CNGB3: variants seen among roughly 807,000 people sequenced by gnomAD.
CNGB3 encodes cyclic nucleotide gated channel subunit beta 3.
CNGB3 carries 86 observed loss-of-function variants against 92.8 expected under a neutral mutation model. The observed-to-expected ratio is 0.93, with a 90% CI of 0.78 to 1.11. The LOEUF (loss-of-function observed/expected upper bound fraction) is 1.11. Among genes scored for constraint, CNGB3 ranks in the 50% least tolerant of loss-of-function variants. The pLI, the probability that CNGB3 is intolerant of heterozygous loss-of-function variation, is 0.00. For synonymous variants in CNGB3, 333 were observed against 332.7 expected (o/e 1.00, Z -0.01); for missense variants, 1,026 against 956.8 (o/e 1.07, Z -0.95).
At chr8:86,699,640 A>G (rs774302765) in intron 3 of CNGB3, among the ~76,000 whole-genome samples, 1 of 152,232 alleles carries the variant, frequency 6.6e-6, no homozygotes, top group Non-Finnish European at 1.5e-5. Context: ...CAATAAAAGG[A>G]AAAACTGCTG....
chr8:86,694,345 C>CG (rs1370451277), intron 3 of CNGB3, among the ~76,000 whole-genome samples: 2 of 139,502 alleles, frequency 1.4e-5, no homozygotes, highest in African/African-American at 2.7e-5. Flanking sequence ...GCTGGCCGGG[C>CG]GGGGGGCTGA....
chr8:86,649,600 G>T (rs1208912850), intron 7 of CNGB3, among the ~76,000 whole-genome samples: 1 of 151,320 alleles, frequency 6.6e-6, no homozygotes, highest in African/African-American at 2.4e-5. Flanking sequence ...AGCCACACGT[G>T]GAAGAGTGAA....
Position 86,654,025 on chromosome 8 carries a change from G to T in CNGB3, c.890C>A (p.Ser297Tyr). The change falls in exon 7 of 18, where the codon TCT becomes TAT. Residue 297 changes from serine to tyrosine, a missense_variant. Coordinates refer to ENST00000320005, the MANE Select transcript of CNGB3 (RefSeq NM_019098.5). ...TTTGTCACCTACCTGAAATTTTGTA[G>T]AAGTCCTGTAGTGTTTCCTTAGCTC... ...SNELRKHYRT[S>Y]TKFQLDVASI... is the part of the protein sequence containing the mutation. The T allele has an allele frequency of 6.2e-7, 1 of 1,601,012 alleles. No homozygotes were observed. Among genetic ancestry groups the T allele is most frequent in the Non-Finnish European group, 8.6e-7 (1 of 1,168,304 alleles).
chr8:86,627,338 C>T (rs1822869782), intron 12 of CNGB3, among the ~76,000 whole-genome samples: 1 of 152,086 alleles, frequency 6.6e-6, no homozygotes, highest in Non-Finnish European at 1.5e-5. Context: ...GCTCTGCCTG[C>T]CCACTTCAGA....
chr8:86,627,100 GA>G (rs931331326), intron 12 of CNGB3, among the ~76,000 whole-genome samples: 6 of 6,546 alleles, frequency 9.2e-4, no homozygotes, highest in Non-Finnish European at 1.4e-3. Flanking sequence ...TCTGAGAGTT[GA>G]TTTTTTTTTA....
chr8:86,723,597 A>G (rs1324666876), intron 3 of CNGB3, among the ~76,000 whole-genome samples: 1 of 152,134 alleles, frequency 6.6e-6, no homozygotes, highest in East Asian at 1.9e-4. Context: ...TTGGAACAGA[A>G]AGCTTTGGTC....
intron 3 of CNGB3, among the ~76,000 whole-genome samples, chr8:86,712,189 T>G (rs1456685870): frequency 6.6e-6 from 1 of 152,148 alleles, no homozygotes; most frequent in South Asian, 2.1e-4. Flanking sequence ...AATAAAATTA[T>G]CAGTCATCAG....
rs993198637 is a variant in CNGB3 at position 86,579,311 on chromosome 8, CTT to C, written c.1782-61_1782-60del. On this transcript the variant is annotated intron_variant, in intron 15 of 17. Transcript: ENST00000320005. ...TTTCAGTTTTCCTCCACTGAAATCT[CTT>C]TAAAAAAATAGCAACTATTATAAGT... The C allele has an allele frequency of 4.7e-5, 74 of 1,591,128 alleles. No homozygotes were observed. In the Middle Eastern group the frequency reaches 3.8e-3, roughly 82 times the overall value.
At chr8:86,726,395 A>T in intron 3 of CNGB3, 136 bp downstream of exon 3, 1 of 1,228,012 alleles carries the variant, frequency 8.1e-7, no homozygotes, top group Non-Finnish European at 1.2e-6. Flanking sequence ...GTTCTGACAC[A>T]GTTTTTTTGT....
rs7823947 is a variant in CNGB3 at position 86,670,848 on chromosome 8, G to A, written c.493+96C>T. The A allele has an allele frequency of 0.017, 21,265 of 1,276,232 alleles. 2,160 individuals are homozygous for A. In the African/African-American group the frequency reaches 0.24, roughly 15 times the overall value. The allele number at this position is 1,276,232 out of a possible 1,614,324, so 79.1% of individuals were successfully genotyped here. On this transcript the variant is annotated intron_variant, in intron 4 of 17. Transcript: ENST00000320005. ...AAACTGTACGTAAATCATTTTCTCA[G>A]GGTCTGCTTTTGGGAGATCCAAACT... is the stretch of plus-strand genomic sequence containing the variant.
At chr8:86,585,313 G>A (rs1821871228) in intron 15 of CNGB3, among the ~76,000 whole-genome samples, 1 of 150,242 alleles carries the variant, frequency 6.7e-6, no homozygotes, top group South Asian at 2.1e-4. Context: ...TTGTGTGTAT[G>A]TATATATATA....
At chr8:86,641,734 T>C (rs1238570880) in intron 10 of CNGB3, among the ~76,000 whole-genome samples, 5 of 151,956 alleles carry the variant, frequency 3.3e-5, no homozygotes, top group Non-Finnish European at 7.4e-5. Context: ...GTTTGGTACA[T>C]ATGTTTGTGT....
chr8:86,652,001 G>T (rs1257148351), intron 7 of CNGB3, among the ~76,000 whole-genome samples: 1 of 151,828 alleles, frequency 6.6e-6, no homozygotes, highest in Non-Finnish European at 1.5e-5. Flanking sequence ...ACACGTAGGT[G>T]GTATGGTATA....
intron 1 of CNGB3, among the ~76,000 whole-genome samples, chr8:86,741,825 T>C (rs995900543): frequency 3.3e-5 from 5 of 152,220 alleles, no homozygotes; most frequent in Non-Finnish European, 7.3e-5. Flanking sequence ...AAAGGAAAGA[T>C]AACTCTTTAA....
intron 13 of CNGB3, among the ~76,000 whole-genome samples, chr8:86,614,997 GA>G (rs59567736): frequency 6.6e-6 from 1 of 151,724 alleles, no homozygotes; most frequent in African/African-American, 2.4e-5. Flanking sequence ...AGAATATTCA[GA>G]AAAAAAATAG....
In CNGB3 at chr8:86,739,716, C is replaced by T; in HGVS notation, c.150G>A (p.Glu50=). 6.3e-7 allele frequency: 1 copy of T among 1,584,946 alleles called. No homozygotes were observed. ...TTAQEENKGE[E]KSLKTKSTPV... is the part of the protein sequence containing the mutation. ...GAGTTGACTTGGTTTTGAGAGATTT[C>T]TCTTCACCTTTGTTTTCTTCCTTTG... The change falls in exon 2 of 18, where the codon GAG becomes GAA. Residue 50 remains glutamate (E), a synonymous_variant. Coordinates refer to ENST00000320005, the MANE Select transcript of CNGB3 (RefSeq NM_019098.5).
intron 3 of CNGB3, among the ~76,000 whole-genome samples, chr8:86,695,087 G>T (rs1222575261): frequency 6.6e-6 from 1 of 152,218 alleles, no homozygotes; most frequent in Non-Finnish European, 1.5e-5. Flanking sequence ...TCGCGGTAAG[G>T]AGCTGGAGAC....
At chr8:86,657,695 C>A (rs1005999407) in intron 6 of CNGB3, 3 of 452,862 alleles carry the variant, frequency 6.6e-6, no homozygotes, top group Non-Finnish European at 1.3e-5. Context: ...TGCCATGCCA[C>A]TTGTTGTGGT....
At chr8:86,607,201 C>G (rs1269814524) in intron 14 of CNGB3, among the ~76,000 whole-genome samples, 1 of 152,112 alleles carries the variant, frequency 6.6e-6, no homozygotes, top group African/African-American at 2.4e-5. Flanking sequence ...AATCAACGAA[C>G]CAAAACTTCC....
Sources: allele counts gnomAD v4.1 joint callset (sites outside exome capture counted in the v4.1 genomes callset), GRCh38; gene constraint gnomAD v4.1.1; transcripts MANE v1.5; gene names NCBI Gene and HGNC (gene_info 2026-07-23, HGNC 2026-07-21).